Variants in GPHN observed in about 807,000 individuals in gnomAD.
The protein encoded by GPHN is gephyrin.
A neutral mutation model predicts 95.5 loss-of-function variants in GPHN; 17 were observed. The observed-to-expected ratio is 0.18, with a 90% confidence interval of 0.12 to 0.27. The LOEUF is 0.27. GPHN is among the 10% of genes least tolerant of loss of function. GPHN has a pLI of 1.00. For missense variants in GPHN, 660 were observed against 978.1 expected, an observed-to-expected ratio of 0.67 and a Z score of 4.34; for synonymous variants, 320 against 322.5, an observed-to-expected ratio of 0.99 and a Z score of 0.08.
chr14:67,232,659 C>T, the GPHN span, among the ~76,000 whole-genome samples: 1 of 152,126 alleles, frequency 6.6e-6, no homozygotes, highest in Non-Finnish European at 1.5e-5. Context: ...CCTTTGAAAT[C>T]GCTCCATTTT....
rs1177915817 is a variant in GPHN at position 66,961,900 on chromosome 14, G to GTGTGTATA, written c.829-3290_829-3289insGTGTATAT. The stretch of plus-strand genomic sequence containing the variant: ...AACCAACCATTCTATCCCTGAATGT[G>GTGTGTATA]TATATATATATATATATATATATAT... On this transcript the variant is annotated intron_variant, in intron 8 of 22. Coordinates refer to ENST00000478722, the MANE Select transcript of GPHN (RefSeq NM_020806.5). 7.5e-4 allele frequency among the ~76,000 whole-genome samples: 40 copies of GTGTGTATA among 52,998 alleles called. 2 individuals carry two copies. Among genetic ancestry groups the GTGTGTATA allele is most frequent in the African/African-American group, 1.8e-3 (33 of 18,548 alleles). 34.8% of individuals were successfully genotyped at this position (52,998 alleles called of 152,430 possible).
the GPHN span, among the ~76,000 whole-genome samples, chr14:67,421,976 G>T: frequency 2.0e-5 from 3 of 152,254 alleles, no homozygotes; most frequent in East Asian, 1.9e-4. Context: ...CTGGTATCCG[G>T]TCAGTCATGA....
chr14:67,586,407 T>A, the GPHN span: 119,964 of 1,341,202 alleles, frequency 0.089, 5,735 homozygotes, highest in Middle Eastern at 0.13. Flanking sequence ...GCTTACGTGC[T>A]CTTCTCTTCC....
chr14:67,213,321 C>G, the GPHN span, among the ~76,000 whole-genome samples: 6 of 115,016 alleles, frequency 5.2e-5, no homozygotes, highest in Non-Finnish European at 8.6e-5. Flanking sequence ...CCCCTCCCCC[C>G]ACCCCACAAC....
chr14:67,089,443 G>A (rs1406877828), intron 12 of GPHN, among the ~76,000 whole-genome samples: 3 of 151,860 alleles, frequency 2.0e-5, no homozygotes, highest in Non-Finnish European at 4.4e-5. Context: ...GGGTAAATGT[G>A]GTATCTGTCA....
At chr14:67,641,687 C>T in the GPHN span, among the ~76,000 whole-genome samples, 1 of 152,162 alleles carries the variant, frequency 6.6e-6, no homozygotes, top group Admixed American at 6.5e-5. Flanking sequence ...TGCCCATAAT[C>T]CCAGCACTTT....
chr14:67,081,157 C>T (rs1445594673), intron 11 of GPHN, among the ~76,000 whole-genome samples: 3 of 152,174 alleles, frequency 2.0e-5, no homozygotes, highest in Non-Finnish European at 4.4e-5. Context: ...AGTGGTAGTT[C>T]TACTTTCAGT....
chr14:66,746,253 A>G (rs888680442), intron 2 of GPHN, among the ~76,000 whole-genome samples: 12 of 152,196 alleles, frequency 7.9e-5, no homozygotes, highest in Non-Finnish European at 1.6e-4. Flanking sequence ...AAAACCCGCC[A>G]AACTGTTTTC....
At chr14:67,556,620 G>T in the GPHN span, among the ~76,000 whole-genome samples, 1 of 152,176 alleles carries the variant, frequency 6.6e-6, no homozygotes, top group African/African-American at 2.4e-5. Flanking sequence ...GGGTGTGACG[G>T]TATGCACCTA....
At chr14:67,556,702 A>G in the GPHN span, among the ~76,000 whole-genome samples, 4 of 152,248 alleles carry the variant, frequency 2.6e-5, no homozygotes, top group Non-Finnish European at 4.4e-5. Context: ...AGCCTGGGCA[A>G]TATAGCAAGA....
the GPHN span, among the ~76,000 whole-genome samples, chr14:67,373,431 G>A: frequency 5.9e-5 from 9 of 152,142 alleles, no homozygotes; most frequent in Non-Finnish European, 1.3e-4. Context: ...GATGTGAAAG[G>A]GCATTTGACA....
the GPHN span, among the ~76,000 whole-genome samples, chr14:67,591,376 A>G: frequency 5.3e-5 from 8 of 152,352 alleles, no homozygotes; most frequent in Admixed American, 5.2e-4. Context: ...AAAACTATTC[A>G]TAAGCTTTAA....
At chr14:67,200,279 G>T in the GPHN span, 1 of 733,216 alleles carries the variant, frequency 1.4e-6, no homozygotes, top group Non-Finnish European at 2.3e-6. Flanking sequence ...CCACTCCCCA[G>T]CCACCAGTTG....
At chr14:67,051,092 G>C (rs925728480) in intron 10 of GPHN, among the ~76,000 whole-genome samples, 6 of 152,234 alleles carry the variant, frequency 3.9e-5, no homozygotes, top group African/African-American at 1.4e-4. Flanking sequence ...AGTTCCTAGG[G>C]GAGGGGGCGG....
intron 17 of GPHN, among the ~76,000 whole-genome samples, chr14:67,140,527 C>T (rs2080391946): frequency 6.6e-6 from 1 of 152,052 alleles, no homozygotes; most frequent in Non-Finnish European, 1.5e-5. Flanking sequence ...AGTAGCTTTA[C>T]AATAATTCTA....
the GPHN span, chr14:67,224,580 C>T: frequency 4.3e-6 from 1 of 230,994 alleles, no homozygotes; most frequent in Admixed American, 5.5e-5. Context: ...ACTTTCTTAG[C>T]TTTAAGTTTT....
chr14:67,257,351 G>A, the GPHN span, among the ~76,000 whole-genome samples: 2 of 152,124 alleles, frequency 1.3e-5, no homozygotes, highest in Non-Finnish European at 2.9e-5. Context: ...AATGGTGAGG[G>A]AGGTATGTAG....
chr14:67,272,308 C>G, the GPHN span, among the ~76,000 whole-genome samples: 5 of 152,172 alleles, frequency 3.3e-5, no homozygotes, highest in Non-Finnish European at 1.5e-5. Context: ...TCCCCTCACA[C>G]CTTTCATCTT....
chr14:67,451,606 CT>C, the GPHN span, among the ~76,000 whole-genome samples: 2 of 152,096 alleles, frequency 1.3e-5, no homozygotes, highest in African/African-American at 4.8e-5. Flanking sequence ...GCCTGTAGCC[CT>C]TTTGTTTTGG....
Sources: gnomAD v4.1 joint callset for allele counts (sites outside exome capture counted in the v4.1 genomes callset) on GRCh38, gnomAD v4.1.1 for gene constraint, MANE v1.5 for transcripts, NCBI Gene and HGNC (gene_info 2026-07-23, HGNC 2026-07-21) for gene names.